The following TSPAN8 variants were observed in gnomAD, a reference collection of about 807,000 sequenced individuals.
TSPAN8 encodes the protein tetraspanin-8.
In TSPAN8, 21 loss-of-function variants were observed where a neutral mutation model predicts 32.8. The ratio of observed to expected loss-of-function variants is 0.64; its 90% CI spans 0.45 to 0.92. The LOEUF (loss-of-function observed/expected upper bound fraction) is 0.92, where lower values mean the gene tolerates loss of function less well. Among genes scored for constraint, TSPAN8 ranks in the 40% least tolerant of loss-of-function variants. TSPAN8 has a pLI of 0.00. For missense variants in TSPAN8, 269 were observed against 281.9 expected, an observed-to-expected ratio of 0.95 and a Z score of 0.33; for synonymous variants, 95 against 94.6, an observed-to-expected ratio of 1.00 and a Z score of -0.03.
At chr12:71,134,850 A>G (rs1871629756) in intron 6 of TSPAN8, among the ~76,000 whole-genome samples, 1 of 152,240 alleles carries the variant, frequency 6.6e-6, no homozygotes, top group African/African-American at 2.4e-5. Context: ...ACTTGTCACG[A>G]TATCAAGTCA....
chr12:71,134,541 G>C (rs1871619398), intron 6 of TSPAN8, among the ~76,000 whole-genome samples: 2 of 152,170 alleles, frequency 1.3e-5, no homozygotes, highest in Non-Finnish European at 2.9e-5. Context: ...ATATGACAAA[G>C]AGCTGGAAAT....
chr12:71,143,245 G>A (rs1193076866), intron 3 of TSPAN8, among the ~76,000 whole-genome samples: 1 of 152,136 alleles, frequency 6.6e-6, no homozygotes. Context: ...AATAGAAGAA[G>A]GGAGAGAAAA....
At position 71,142,153 on chromosome 12, in the gene TSPAN8, T is replaced by A. The variant is rs1009370099; in HGVS notation, c.123+1998A>T. Among the ~76,000 whole-genome samples, 10 of 152,272 alleles carry A rather than the reference T, an allele frequency of 6.6e-5. No individual in the cohort carries two copies. The East Asian group carries it at 1.2e-3, about 18-fold the overall frequency. On this transcript the variant is annotated intron_variant, in intron 3 of 8. Coordinates refer to ENST00000247829, the MANE Select transcript of TSPAN8 (RefSeq NM_004616.3). The stretch of plus-strand genomic sequence containing the variant: ...CTTTGTCACTGGCTTGAGAAAAATA[T>A]AAACCAAGCCAATTTTATATAAGTC...
intron 2 of TSPAN8, among the ~76,000 whole-genome samples, chr12:71,152,278 C>G (rs1320125548): frequency 6.6e-6 from 1 of 152,134 alleles, no homozygotes; most frequent in Non-Finnish European, 1.5e-5. Flanking sequence ...ACTTTTTCCC[C>G]ATTCCCTTAA....
At chr12:71,149,307 G>A (rs1256117877) in intron 2 of TSPAN8, among the ~76,000 whole-genome samples, 1 of 151,174 alleles carries the variant, frequency 6.6e-6, no homozygotes, top group Non-Finnish European at 1.5e-5. Flanking sequence ...GGTGGAGGTT[G>A]CAGTGAGCTA....
At chr12:71,149,653 A>C (rs1872185148) in intron 2 of TSPAN8, among the ~76,000 whole-genome samples, 1 of 152,206 alleles carries the variant, frequency 6.6e-6, no homozygotes. Context: ...TCACTTCCTA[A>C]ATAATACTCT....
chr12:71,157,872 A>G (rs1005824336), intron 1 of TSPAN8, 58 bp downstream of exon 1: 1 of 570,894 alleles, frequency 1.8e-6, no homozygotes, highest in Admixed American at 3.0e-5. Context: ...CCACACATTT[A>G]AATATCGCAA....
chr12:71,151,255 G>A (rs2137060736), intron 2 of TSPAN8, among the ~76,000 whole-genome samples: 1 of 152,016 alleles, frequency 6.6e-6, no homozygotes, highest in Admixed American at 6.6e-5. Context: ...AGTAGAGATG[G>A]GGTTTCACCG....
chr12:71,142,453 G>T (rs1565786958), intron 3 of TSPAN8, among the ~76,000 whole-genome samples: 1 of 152,110 alleles, frequency 6.6e-6, no homozygotes, highest in Non-Finnish European at 1.5e-5. Context: ...AAAATAAATT[G>T]CAGGCTACAC....
chr12:71,149,602 C>T (rs190913860), intron 2 of TSPAN8, among the ~76,000 whole-genome samples: 30 of 152,348 alleles, frequency 2.0e-4, no homozygotes, highest in Admixed American at 7.2e-4. Flanking sequence ...GCTGGAGCCG[C>T]GGCAGCGGAA....
At chr12:71,126,689 A>G (rs1450591959) in intron 8 of TSPAN8, among the ~76,000 whole-genome samples, 5 of 152,264 alleles carry the variant, frequency 3.3e-5, no homozygotes, top group African/African-American at 9.6e-5. Flanking sequence ...TTTTCTTTTA[A>G]CTGCTTTATT....
chr12:71,139,340 T>C, intron 4 of TSPAN8: 1 of 450,400 alleles, frequency 2.2e-6, no homozygotes, highest in Non-Finnish European at 4.2e-6. Context: ...TCCCCTGTCT[T>C]GCCCTTTGCT....
chr12:71,157,793 G>T lies in TSPAN8; in HGVS notation c.-109-6C>A. 1 of 747,924 alleles carries T rather than the reference G, an allele frequency of 1.3e-6. No homozygotes were observed. The highest frequency in any genetic ancestry group is 2.8e-4 in the Middle Eastern group (1 of 3,626). The allele number at this position is 747,924 out of a possible 1,614,324, so 46.3% of individuals were successfully genotyped here. ...AGAGATTTCTGTATCCACGGCTTCA[G>T]AGCAGAAAGAGAAAGCAAAGAAGTA... On this transcript the variant is annotated splice_polypyrimidine_tract_variant and splice_region_variant and intron_variant, in intron 1 of 8. Transcript: ENST00000247829.
intron 7 of TSPAN8, among the ~76,000 whole-genome samples, chr12:71,131,747 T>C (rs1302771175): frequency 8.2e-6 from 1 of 121,864 alleles, no homozygotes. Context: ...ACATTTCTTC[T>C]AAGCAGAACG....
At chr12:71,128,617 G>C (rs10506625) in intron 8 of TSPAN8, among the ~76,000 whole-genome samples, 38,256 of 150,704 alleles carry the variant, frequency 0.25, 5,746 homozygotes, top group Non-Finnish European at 0.35. Context: ...AAGATTTTTA[G>C]GCCATGTGAA....
Position 71,157,738 on chromosome 12 carries a change from C to G in TSPAN8, c.-60G>C. 1.5e-6 allele frequency: 2 copies of G among 1,346,308 alleles called. No homozygotes were observed. Among genetic ancestry groups the G allele is most frequent in the South Asian group, 2.3e-5 (2 of 85,176 alleles). The allele number at this position is 1,346,308 out of a possible 1,614,324, so 83.4% of individuals were successfully genotyped here. Reference sequence around the variant, plus strand: ...TTTAACTATTCGTTACAGGCTTGTCCTGCAATATGCTCTGGAGCAACTTGC... The same window carrying G: ...TTTAACTATTCGTTACAGGCTTGTCGTGCAATATGCTCTGGAGCAACTTGC... On this transcript the variant is annotated 5_prime_UTR_variant, in exon 2 of 9. Coordinates refer to ENST00000247829, the MANE Select transcript of TSPAN8 (RefSeq NM_004616.3).
intron 2 of TSPAN8, among the ~76,000 whole-genome samples, chr12:71,147,783 A>G (rs1872123748): frequency 6.6e-6 from 1 of 152,230 alleles, no homozygotes; most frequent in East Asian, 1.9e-4. Flanking sequence ...TAGAAAAGAC[A>G]ACAAAGTCTC....
intron 7 of TSPAN8, among the ~76,000 whole-genome samples, chr12:71,129,897 T>C (rs908555551): frequency 2.6e-4 from 40 of 152,046 alleles, no homozygotes; most frequent in African/African-American, 9.4e-4. Context: ...TTTTAGATAA[T>C]AATATTGTAA....
At position 71,132,844 on chromosome 12, in the gene TSPAN8, A is replaced by C. The variant is rs373629291; in HGVS notation, c.445-20T>G. 1 of 1,613,288 alleles carries C rather than the reference A, an allele frequency of 6.2e-7. No individual in the cohort carries two copies. Among genetic ancestry groups the C allele is most frequent in the African/African-American group, 1.3e-5 (1 of 74,912 alleles). On this transcript the variant is annotated intron_variant, in intron 6 of 8. Transcript: ENST00000247829. ...TTTAAACTGTTTGATAAAAGGTAGA[A>C]TGAGAAGCAGTCAGTAAGAAGATTA...
Sources: gnomAD v4.1 joint callset for allele counts (sites outside exome capture counted in the v4.1 genomes callset) on GRCh38, gnomAD v4.1.1 for gene constraint, MANE v1.5 for transcripts, NCBI Gene and HGNC (gene_info 2026-07-23, HGNC 2026-07-21) for gene names.